The following KIF13A variants were observed in gnomAD, a reference collection of about 807,000 sequenced individuals.
KIF13A encodes kinesin-like protein KIF13A.
Under a neutral mutation model 212.2 loss-of-function variants are expected in KIF13A, and 79 were observed. The observed-to-expected ratio is 0.37, with a 90% confidence interval of 0.31 to 0.45. The LOEUF (loss-of-function observed/expected upper bound fraction) is 0.45. KIF13A is among the 20% of genes least tolerant of loss of function. KIF13A has a pLI of 1.00. For missense variants in KIF13A, 1,901 were observed against 2,209.0 expected (o/e 0.86, Z 2.79); for synonymous variants, 789 against 808.6 (o/e 0.98, Z 0.41).
intron 26 of KIF13A, 149 bp from the exon 27 acceptor site, chr6:17,788,024 C>T: frequency 1.7e-6 from 1 of 596,780 alleles, no homozygotes; most frequent in Non-Finnish European, 3.0e-6. Flanking sequence ...TGCAAGAAAG[C>T]AGAGAGGCCT....
chr6:17,851,255 T>C (rs1420830559), intron 7 of KIF13A, among the ~76,000 whole-genome samples: 1 of 152,228 alleles, frequency 6.6e-6, no homozygotes, highest in Non-Finnish European at 1.5e-5. Context: ...TTGATTTAAA[T>C]GGCTGGAGAG....
In KIF13A at chr6:17,940,821, T is replaced by A. The variant is rs868812559; in HGVS notation, c.147-42641A>T. Among the ~76,000 whole-genome samples, 464 of 148,308 alleles carry A rather than the reference T, an allele frequency of 3.1e-3. 3 individuals carry two copies. Among genetic ancestry groups the A allele is most frequent in the Admixed American group, 5.5e-3 (81 of 14,802 alleles). On this transcript the variant is annotated intron_variant, in intron 2 of 38. Transcript: ENST00000259711. ...GGACTTAACACATGTAAATTTATTT[T>A]TTTTTTTTTTTTTTTTTTTTTTGAG...
chr6:17,917,291 A>T (rs1229506432), intron 2 of KIF13A, among the ~76,000 whole-genome samples: 3 of 124,282 alleles, frequency 2.4e-5, no homozygotes, highest in African/African-American at 9.6e-5. Flanking sequence ...CCCAGGCTGG[A>T]GTACAGTGGC....
In KIF13A at chr6:17,785,644, G is replaced by A; in HGVS notation, c.3362-3C>T. Reference sequence around the variant, plus strand: ...CTCCACATCGTCCTCTGTTTTCTCTGCAGAAAAAAATGAGGAGATCAATGC... The same window carrying A: ...CTCCACATCGTCCTCTGTTTTCTCTACAGAAAAAAATGAGGAGATCAATGC... On this transcript the variant is annotated splice_polypyrimidine_tract_variant and splice_region_variant and intron_variant, in intron 27 of 38. Transcript: ENST00000259711. This position sits in a 1 kb window ranked among gnomAD's most constrained non-coding sequence, Gnocchi z 5.8. The A allele has an allele frequency of 6.2e-7, 1 of 1,601,316 alleles. No individual in the cohort carries two copies. Among genetic ancestry groups the A allele is most frequent in the Non-Finnish European group, 8.5e-7 (1 of 1,174,098 alleles).
chr6:17,925,059 G>A (rs1198927884), intron 2 of KIF13A, among the ~76,000 whole-genome samples: 2 of 152,056 alleles, frequency 1.3e-5, no homozygotes, highest in African/African-American at 4.8e-5. Context: ...CTCTAAACAC[G>A]CTCCCCCAAA....
At position 17,968,677 on chromosome 6, in the gene KIF13A, C is replaced by T. The variant is rs1779538555; in HGVS notation, c.146+18377G>A. 1.3e-5 allele frequency among the ~76,000 whole-genome samples: 2 copies of T among 152,220 alleles called. No individual in the cohort carries two copies. The highest frequency in any genetic ancestry group is 2.9e-5 in the Non-Finnish European group (2 of 68,038). ...CCTGGCTGGACCAACCATTACTTAT[C>T]TCATGTAGTCCTAAGCAGCTACAGC... On this transcript the variant is annotated intron_variant, in intron 2 of 38. Coordinates refer to ENST00000259711, the MANE Select transcript of KIF13A (RefSeq NM_022113.6). The surrounding 1 kb of genome is among the most constrained non-coding windows in gnomAD (Gnocchi z 4.7).
intron 16 of KIF13A, among the ~76,000 whole-genome samples, chr6:17,821,261 T>C (rs1335498458): frequency 6.6e-6 from 1 of 152,196 alleles, no homozygotes; most frequent in Non-Finnish European, 1.5e-5. Context: ...GGCATTATTG[T>C]CCACAAATAC....
At chr6:17,930,801 C>A (rs1445309409) in intron 2 of KIF13A, among the ~76,000 whole-genome samples, 1 of 152,242 alleles carries the variant, frequency 6.6e-6, no homozygotes, top group Non-Finnish European at 1.5e-5. Context: ...CATGAGTTCA[C>A]TTGATCATTG....
intron 2 of KIF13A, among the ~76,000 whole-genome samples, chr6:17,944,890 T>C (rs1194907350): frequency 6.6e-6 from 1 of 152,162 alleles, no homozygotes; most frequent in African/African-American, 2.4e-5. Flanking sequence ...TCAGAATTAA[T>C]GAGAATTTAA....
rs71002289 is a variant in KIF13A, at chr6:17,948,557, CTTTT to C, written c.146+38493_146+38496del. Among the ~76,000 whole-genome samples, 4 of 84,146 alleles carry C rather than the reference CTTTT, an allele frequency of 4.8e-5. No individual in the cohort carries two copies. In the South Asian group the frequency reaches 1.5e-3, roughly 31 times the overall value. The allele number at this position is 84,146 out of a possible 152,430, so 55.2% of individuals were successfully genotyped here. ...CACAGTACCACATAACATCCATTTACTTTTTTTTTTTTTTTTTTTTTTTTGAGAC... is the reference window on the plus strand; with the variant it reads ...CACAGTACCACATAACATCCATTTACTTTTTTTTTTTTTTTTTTTTGAGAC... On this transcript the variant is annotated intron_variant, in intron 2 of 38. Coordinates refer to ENST00000259711, the MANE Select transcript of KIF13A (RefSeq NM_022113.6).
Position 17,764,858 on chromosome 6 carries a change from A to G in KIF13A, c.4670T>C (p.Phe1557Ser), listed in dbSNP as rs756281554. The change falls in exon 39 of 39, where the codon TTC (phenylalanine) becomes TCC (serine). Residue 1557 changes from phenylalanine to serine, a missense_variant. This residue lies in a region of KIF13A where 687 missense variants were observed against 759.1 expected (regional missense o/e 0.90). Coordinates refer to ENST00000259711, the MANE Select transcript of KIF13A (RefSeq NM_022113.6). The surrounding 1 kb of genome is among the most constrained non-coding windows in gnomAD (Gnocchi z 5.1). ...CTCCAAGCTGGCATTGTAAACACTGAAGTCAGCAAACTCCACAGGTACATA... is the reference window on the plus strand; with the variant it reads ...CTCCAAGCTGGCATTGTAAACACTGGAGTCAGCAAACTCCACAGGTACATA... ...QPYVPVEFADFSVYNASLENR... is the reference protein window; with the variant it reads ...QPYVPVEFADSSVYNASLENR... The G allele has an allele frequency of 6.2e-7, 1 of 1,613,730 alleles. No individual in the cohort carries two copies. Among genetic ancestry groups the G allele is most frequent in the African/African-American group, 1.3e-5 (1 of 74,900 alleles).
chr6:17,785,387 G>T lies in KIF13A; in HGVS notation c.3488+128C>A. The T allele has an allele frequency of 2.9e-6, 3 of 1,047,142 alleles. No homozygotes were observed. The highest frequency in any genetic ancestry group is 4.0e-6 in the Non-Finnish European group (3 of 757,984). The allele number at this position is 1,047,142 out of a possible 1,614,324, so 64.9% of individuals were successfully genotyped here. A position where few individuals can be genotyped will look rare whatever the true frequency, so the allele number is the denominator to read the frequency against. The stretch of plus-strand genomic sequence containing the variant: ...GGGATGGAAGCATTAGAGATGAGTG[G>T]ACATTCCCTAAGTAGTTCAGCTGGT... On this transcript the variant is annotated intron_variant, in intron 28 of 38. Transcript: ENST00000259711. This position sits in a 1 kb window ranked among gnomAD's most constrained non-coding sequence, Gnocchi z 5.8.
intron 2 of KIF13A, among the ~76,000 whole-genome samples, chr6:17,933,929 A>C (rs922655209): frequency 6.6e-6 from 1 of 152,152 alleles, no homozygotes; most frequent in South Asian, 2.1e-4. Flanking sequence ...CCTTTCAAAC[A>C]TATCCCTTAG....
chr6:17,879,778 C>T (rs116576889), intron 3 of KIF13A, among the ~76,000 whole-genome samples: 2,878 of 152,212 alleles, frequency 0.019, 94 homozygotes, highest in African/African-American at 0.066. Flanking sequence ...AAACTATTAC[C>T]CTTCCTTTCA....
At chr6:17,973,775 T>TAGTGG (rs1780028962) in intron 2 of KIF13A, among the ~76,000 whole-genome samples, 1 of 152,222 alleles carries the variant, frequency 6.6e-6, no homozygotes, top group Non-Finnish European at 1.5e-5. Flanking sequence ...CACTGTGCCA[T>TAGTGG]GCTGCTGCTC....
intron 2 of KIF13A, among the ~76,000 whole-genome samples, chr6:17,917,235 C>CTTTTTTTT (rs71002284): frequency 1.3e-5 from 1 of 79,098 alleles, no homozygotes; most frequent in African/African-American, 5.4e-5. Flanking sequence ...TTACACGATT[C>CTTTTTTTT]TTTTTTTTTT....
At chr6:17,774,731 C>G (rs900920391) in intron 35 of KIF13A, among the ~76,000 whole-genome samples, 3 of 151,440 alleles carry the variant, frequency 2.0e-5, no homozygotes, top group African/African-American at 7.3e-5. Context: ...CAAAATCATG[C>G]CACTGCACTC....
In KIF13A at chr6:17,897,499, T is replaced by A. The variant is rs541800288; in HGVS notation, c.159+669A>T. ...CATTCAGATTCCTTACTTCTCATAT[T>A]CCCCCACTTCCCTCCTCTAACTATT... On this transcript the variant is annotated intron_variant, in intron 3 of 38. Transcript: ENST00000259711. This position sits in a 1 kb window ranked among gnomAD's most constrained non-coding sequence, Gnocchi z 4.8. Among the ~76,000 whole-genome samples the A allele has an allele frequency of 6.6e-6, 1 of 152,048 alleles. No homozygotes were observed. The highest frequency in any genetic ancestry group is 1.5e-5 in the Non-Finnish European group (1 of 68,012).
chr6:17,773,580 A>C lies in KIF13A; in HGVS notation c.4222T>G (p.Trp1408Gly). ...GACATGTCCAACTGGTTCTCTGGCC[A>C]ACCCTACAAGGTAAAAATATGGGTT... ...LSGFDEDDKG[W>G]PENQLDMSDY... The change falls in exon 36 of 39, where the codon TGG becomes GGG. Residue 1408 changes from tryptophan to glycine, a missense_variant. Physicochemically the swap from Trp to Gly is radical, Grantham distance 184. This residue lies in a region of KIF13A where 687 missense variants were observed against 759.1 expected (regional missense o/e 0.90). Transcript: ENST00000259711. This position sits in a 1 kb window ranked among gnomAD's most constrained non-coding sequence, Gnocchi z 4.2. The C allele has an allele frequency of 1.3e-6, 2 of 1,594,332 alleles. No individual in the cohort carries two copies. Among genetic ancestry groups the C allele is most frequent in the Non-Finnish European group, 1.7e-6 (2 of 1,163,326 alleles).
Sources: allele counts gnomAD v4.1 joint callset (sites outside exome capture counted in the v4.1 genomes callset), GRCh38; gene constraint gnomAD v4.1.1; regional missense constraint gnomAD v4.1.1; non-coding constraint Gnocchi (gnomAD v3.1); transcripts MANE v1.5; gene names NCBI Gene and HGNC (gene_info 2026-07-23, HGNC 2026-07-21).